The following EIF4B variants were observed in gnomAD, a reference collection of about 807,000 sequenced individuals.
The protein encoded by EIF4B is eukaryotic translation initiation factor 4B.
In EIF4B, 8 loss-of-function variants were observed where a neutral mutation model predicts 79.3. The ratio of observed to expected loss-of-function variants is 0.10; its 90% CI spans 0.06 to 0.18. EIF4B has a LOEUF of 0.18. Among genes scored for constraint, EIF4B ranks in the 10% least tolerant of loss-of-function variants. EIF4B has a pLI of 1.00. For missense variants in EIF4B, 515 were observed against 792.4 expected, an observed-to-expected ratio of 0.65 and a Z score of 4.20; for synonymous variants, 238 against 274.7, an observed-to-expected ratio of 0.87 and a Z score of 1.32.
At position 53,019,440 on chromosome 12, in the gene EIF4B, T is replaced by A. The variant is rs868702351; in HGVS notation, c.360+434T>A. 2.0e-3 allele frequency among the ~76,000 whole-genome samples: 236 copies of A among 118,656 alleles called. 2 individuals are homozygous for A. Among genetic ancestry groups the A allele is most frequent in the African/African-American group, 4.0e-3 (115 of 28,556 alleles). 77.8% of individuals were successfully genotyped at this position (118,656 alleles called of 152,430 possible). A position where few individuals can be genotyped will look rare whatever the true frequency, so the allele number is the denominator to read the frequency against. On this transcript the variant is annotated intron_variant, in intron 3 of 14. Coordinates refer to ENST00000262056, the MANE Select transcript of EIF4B (RefSeq NM_001417.7). ...AATCAAAATTATATATATATATATT[T>A]TTTTTTTTTCTTTTTTTTTTTTTTT...
intron 8 of EIF4B, 69 bp downstream of exon 8, chr12:53,028,257 G>A (rs1943375170): frequency 6.6e-7 from 1 of 1,514,702 alleles, no homozygotes; most frequent in Non-Finnish European, 8.8e-7. Flanking sequence ...TTGTGATTGT[G>A]TTACGAACTA....
chr12:53,018,830 G>A lies in EIF4B; in HGVS notation c.184G>A (p.Val62Met). ...STTWHSNDDD[V>M]YRAPPIDRSI... ...CACTTGGCACAGTAACGATGACGAT[G>A]TGTATAGGGCGCCTCCAATTGACCG... The change falls in exon 3 of 15, where the codon GTG becomes ATG. Residue 62 changes from valine (V) to methionine (M), a missense_variant. Coordinates refer to ENST00000262056, the MANE Select transcript of EIF4B (RefSeq NM_001417.7). The A allele has an allele frequency of 6.2e-7, 1 of 1,613,268 alleles. No homozygotes were observed. The highest frequency in any genetic ancestry group is 8.5e-7 in the Non-Finnish European group (1 of 1,179,866).
At position 53,019,759 on chromosome 12, in the gene EIF4B, C is replaced by A. The variant is rs1249860545; in HGVS notation, c.361-151C>A. 23 of 607,722 alleles carry A rather than the reference C, an allele frequency of 3.8e-5. No individual in the cohort carries two copies. In the South Asian group the frequency reaches 4.2e-4, roughly 11 times the overall value. The allele number at this position is 607,722 out of a possible 1,614,324, so 37.6% of individuals were successfully genotyped here. On this transcript the variant is annotated intron_variant, in intron 3 of 14. Coordinates refer to ENST00000262056, the MANE Select transcript of EIF4B (RefSeq NM_001417.7). ...GGGCATTTAGTAAAGTTTCTACTAT[C>A]CCTCTGCATCAGTTTTCCTCCTGAG...
chr12:53,006,613 G>T, intron 1 of EIF4B, 117 bp downstream of exon 1: 1 of 1,562,792 alleles, frequency 6.4e-7, no homozygotes, highest in South Asian at 1.1e-5. Context: ...TGAATTGAGG[G>T]CTGCGGCAGG....
At chr12:53,035,730 A>G (rs779441225) in intron 10 of EIF4B, among the ~76,000 whole-genome samples, 2 of 152,108 alleles carry the variant, frequency 1.3e-5, no homozygotes, top group Non-Finnish European at 2.9e-5. Flanking sequence ...TCTCAGCCTC[A>G]TAAAGTGCTG....
intron 10 of EIF4B, among the ~76,000 whole-genome samples, chr12:53,035,924 TCTC>T (rs1943532740): frequency 6.6e-6 from 1 of 150,584 alleles, no homozygotes; most frequent in Non-Finnish European, 1.5e-5. Flanking sequence ...TTCAAGCAAT[TCTC>T]CTGCCTCAGC....
intron 6 of EIF4B, among the ~76,000 whole-genome samples, chr12:53,027,214 A>C (rs1260657921): frequency 7.1e-6 from 1 of 140,268 alleles, no homozygotes; most frequent in African/African-American, 2.6e-5. Flanking sequence ...TCTCAGCGCA[A>C]CCTCCGCCTC....
intron 10 of EIF4B, among the ~76,000 whole-genome samples, chr12:53,034,956 CTTTTTT>C (rs72498436): frequency 7.8e-5 from 7 of 90,156 alleles, no homozygotes; most frequent in Non-Finnish European, 1.1e-4. Flanking sequence ...TTGTCTCTCT[CTTTTTT>C]TTTTTTTTTT....
chr12:53,041,440 C>T lies in EIF4B; in HGVS notation c.*1217C>T, dbSNP rs1943636238. ...GATTTTTCCCCCCAAGTTTCCTTCT[C>T]CACTGAAATGCCACACTAATGCTTG... On this transcript the variant is annotated 3_prime_UTR_variant, in exon 15 of 15. Coordinates refer to ENST00000262056, the MANE Select transcript of EIF4B (RefSeq NM_001417.7). 1 of 152,126 alleles carries T rather than the reference C, an allele frequency of 6.6e-6. No homozygotes were observed. Among genetic ancestry groups the T allele is most frequent in the East Asian group, 1.9e-4 (1 of 5,196 alleles). 9.4% of individuals were successfully genotyped at this position (152,126 alleles called of 1,614,324 possible). A position where few individuals can be genotyped will look rare whatever the true frequency, so the allele number is the denominator to read the frequency against.
intron 10 of EIF4B, among the ~76,000 whole-genome samples, chr12:53,035,319 G>A (rs942225996): frequency 6.6e-6 from 1 of 151,104 alleles, no homozygotes; most frequent in Admixed American, 6.6e-5. Context: ...CTCCCTAGTA[G>A]CTGGAACTGT....
At position 53,007,420 on chromosome 12, in the gene EIF4B, CTTTTTTTTT is replaced by C. The variant is rs56017954; in HGVS notation, c.13+944_13+952del. The stretch of plus-strand genomic sequence containing the variant: ...GATAGCTCCAATGGTAGATTTCAGC[CTTTTTTTTT>C]TTTTTTTTTTTTTTTTTTTAAGGTA... On this transcript the variant is annotated intron_variant, in intron 1 of 14. Transcript: ENST00000262056. 4.3e-3 allele frequency among the ~76,000 whole-genome samples: 398 copies of C among 92,236 alleles called. 5 individuals carry two copies. The highest frequency in any genetic ancestry group is 0.019 in the African/African-American group (367 of 19,642). 60.5% of individuals were successfully genotyped at this position (92,236 alleles called of 152,430 possible).
intron 5 of EIF4B, 185 bp downstream of exon 5, chr12:53,022,045 G>T: frequency 1.5e-6 from 1 of 679,778 alleles, no homozygotes; most frequent in South Asian, 1.9e-5. Flanking sequence ...TGTCACAATT[G>T]GAGGGAGTGC....
At chr12:53,036,813 C>G (rs1943548762) in intron 10 of EIF4B, among the ~76,000 whole-genome samples, 1 of 152,156 alleles carries the variant, frequency 6.6e-6, no homozygotes. Context: ...CTCATCATTT[C>G]TAGTAGCTGG....
At chr12:53,018,149 C>T (rs2120910450) in intron 2 of EIF4B, among the ~76,000 whole-genome samples, 1 of 152,308 alleles carries the variant, frequency 6.6e-6, no homozygotes, top group South Asian at 2.1e-4. Context: ...TGCCACCACA[C>T]CTGGCTAATT....
chr12:53,022,206 C>A (rs1411398071), intron 5 of EIF4B: 4 of 673,020 alleles, frequency 5.9e-6, no homozygotes, highest in African/African-American at 1.8e-5. Context: ...GATTAGCTGC[C>A]TAACAGCACG....
intron 5 of EIF4B, chr12:53,022,283 A>G (rs1181952960): frequency 2.7e-6 from 2 of 742,496 alleles, no homozygotes; most frequent in South Asian, 2.9e-5. Flanking sequence ...AATTTGAGAT[A>G]GCTAAGCATT....
At chr12:53,021,034 A>G (rs1178673366) in intron 4 of EIF4B, among the ~76,000 whole-genome samples, 1 of 152,182 alleles carries the variant, frequency 6.6e-6, no homozygotes, top group Non-Finnish European at 1.5e-5. Flanking sequence ...GTGGTGTTTA[A>G]TATAGTTTTG....
Position 53,034,030 on chromosome 12 carries a change from G to A in EIF4B, c.1204G>A (p.Glu402Lys). 6.2e-7 allele frequency: 1 copy of A among 1,609,084 alleles called. No individual in the cohort carries two copies. Among genetic ancestry groups the A allele is most frequent in the South Asian group, 1.1e-5 (1 of 90,274 alleles). The change falls in exon 9 of 15, where the codon GAG becomes AAG. Residue 402 changes from glutamate (E) to lysine (K), a missense_variant. Glu to Lys is a moderately conservative substitution (Grantham distance 56). Coordinates refer to ENST00000262056, the MANE Select transcript of EIF4B (RefSeq NM_001417.7). ...DEPKLERRPR[E>K]RHPSWRSEET... ...GCCAAAACTAGAACGACGGCCTCGG[G>A]AGAGGTGTGTTGTCTTGATGGATAT...
chr12:53,029,051 A>G (rs1352835260), intron 8 of EIF4B, among the ~76,000 whole-genome samples: 6 of 151,628 alleles, frequency 4.0e-5, no homozygotes, highest in Admixed American at 1.3e-4. Flanking sequence ...GCTTGAGCCC[A>G]GAGGCAGAGG....
Sources: allele counts gnomAD v4.1 joint callset (sites outside exome capture counted in the v4.1 genomes callset), GRCh38; gene constraint gnomAD v4.1.1; transcripts MANE v1.5; gene names NCBI Gene and HGNC (gene_info 2026-07-23, HGNC 2026-07-21).